PHLDB1: variants seen among roughly 807,000 people sequenced by gnomAD.
The protein encoded by PHLDB1 is pleckstrin homology like domain family B member 1, also known as pleckstrin homology-like domain family B member 1.
Under a neutral mutation model 139.3 loss-of-function variants are expected in PHLDB1, and 65 were observed. The ratio of observed to expected loss-of-function variants is 0.47; its 90% CI spans 0.38 to 0.57. The LOEUF (loss-of-function observed/expected upper bound fraction) is 0.57. Among genes scored for constraint, PHLDB1 ranks in the 20% least tolerant of loss-of-function variants. The pLI is 0.00. For synonymous variants in PHLDB1, 679 were observed against 734.5 expected (o/e 0.92, Z 1.22); for missense variants, 1,624 against 1,839.7 (o/e 0.88, Z 2.14).
rs533107188 is a variant in PHLDB1, at chr11:118,643,884, T to G, written c.2962T>G (p.Ser988Ala). ...SGPLPSSSGSSSSSSQLSVAT... is the reference protein window; with the variant it reads ...SGPLPSSSGSASSSSQLSVAT... Reference sequence around the variant, plus strand: ...CCCCCTCCCCTCCTCCTCTGGCTCTTCCTCCTCCTCCTCCCAGCTCAGCGT... The same window carrying G: ...CCCCCTCCCCTCCTCCTCTGGCTCTGCCTCCTCCTCCTCCCAGCTCAGCGT... The change falls in exon 14 of 23, where the codon TCC becomes GCC. Residue 988 changes from serine (S) to alanine (A), a missense_variant. Physicochemically the swap from Ser to Ala is moderately conservative, Grantham distance 99 (BLOSUM62 1). Transcript: ENST00000600882. The G allele has an allele frequency of 5.0e-6, 8 of 1,591,948 alleles. No homozygotes were observed. The highest frequency in any genetic ancestry group is 1.7e-5 in the Admixed American group (1 of 59,022).
At chr11:118,644,195 C>G (rs1315811901) in intron 15 of PHLDB1, 21 bp downstream of exon 15, 1 of 1,549,280 alleles carries the variant, frequency 6.5e-7, no homozygotes, top group Non-Finnish European at 8.9e-7. Context: ...GCCCCGCCAG[C>G]CCACCTGCTC....
rs782256423 is a variant in PHLDB1, at chr11:118,628,187, G to A, written c.1364G>A (p.Arg455Gln). The A allele has an allele frequency of 4.3e-6, 7 of 1,613,942 alleles. No homozygotes were observed. Among genetic ancestry groups the A allele is most frequent in the Admixed American group, 1.7e-5 (1 of 60,010 alleles). The part of the protein sequence containing the change: ...RLGRRGLDSM[R>Q]ELPPLSPSLS... ...GGCCGGCGGGGCCTGGACAGTATGCGAGAACTACCCCCCTTAAGTCCATCT... is the reference window on the plus strand; with the variant it reads ...GGCCGGCGGGGCCTGGACAGTATGCAAGAACTACCCCCCTTAAGTCCATCT... The change falls in exon 6 of 23, where the codon CGA becomes CAA. Residue 455 changes from arginine to glutamine, a missense_variant. Transcript: ENST00000600882.
intron 1 of PHLDB1, chr11:118,613,205 G>C (rs1444972439): frequency 1.3e-6 from 1 of 799,034 alleles, no homozygotes; most frequent in Non-Finnish European, 1.5e-6. Context: ...GTTGGGTTGA[G>C]GTTGCTTTCT....
At position 118,631,776 on chromosome 11, in the gene PHLDB1, G is replaced by C. The variant is rs566090337; in HGVS notation, c.2101-137G>C. 32 of 990,158 alleles carry C rather than the reference G, an allele frequency of 3.2e-5. No individual in the cohort carries two copies. The African/African-American group carries it at 3.5e-4, about 11-fold the overall frequency. 61.3% of individuals were successfully genotyped at this position (990,158 alleles called of 1,614,324 possible). A position where few individuals can be genotyped will look rare whatever the true frequency, so the allele number is the denominator to read the frequency against. Reference sequence around the variant, plus strand: ...TGCTCCCCTCAAAGGTGGGGGTTGCGGGGGGGCAGGGAATTAGCCTCCTGT... The same window carrying C: ...TGCTCCCCTCAAAGGTGGGGGTTGCCGGGGGGCAGGGAATTAGCCTCCTGT... On this transcript the variant is annotated intron_variant, in intron 7 of 22. Coordinates refer to ENST00000600882, the MANE Select transcript of PHLDB1 (RefSeq NM_001144758.3).
intron 4 of PHLDB1, among the ~76,000 whole-genome samples, chr11:118,618,103 G>A (rs1555091277): frequency 6.6e-6 from 1 of 152,126 alleles, no homozygotes; most frequent in African/African-American, 2.4e-5. Flanking sequence ...AGCATTTCCT[G>A]TGGCCCCAGT....
At chr11:118,656,304 A>C (rs782218039) in intron 22 of PHLDB1, among the ~76,000 whole-genome samples, 2 of 152,072 alleles carry the variant, frequency 1.3e-5, no homozygotes, top group Non-Finnish European at 2.9e-5. Context: ...AGGGCCTGGC[A>C]TCCTACTTGT....
In PHLDB1 at chr11:118,647,973, G is replaced by C; in HGVS notation, c.3551G>C (p.Arg1184Pro). Residue 1184 changes from arginine (R) to proline (P), a missense_variant, in exon 18 of 23, where the codon CGG (arginine) becomes CCG (proline). By Grantham distance (103) the Arg-to-Pro change is moderately radical. Coordinates refer to ENST00000600882, the MANE Select transcript of PHLDB1 (RefSeq NM_001144758.3). ...ELRRQALEEE[R>P]RRREQVERRL... ...CGGCGGCAGGCCCTGGAGGAGGAGC[G>C]GCGGAGGCGTGAGCAGGTAGAACGG... The C allele has an allele frequency of 6.3e-7, 1 of 1,592,988 alleles. No homozygotes were observed. The highest frequency in any genetic ancestry group is 8.5e-7 in the Non-Finnish European group (1 of 1,169,978).
Position 118,631,402 on chromosome 11 carries a change from C to A in PHLDB1, c.2023C>A (p.Leu675Ile). 1 of 1,496,198 alleles carries A rather than the reference C, an allele frequency of 6.7e-7. No individual in the cohort carries two copies. 92.7% of individuals were successfully genotyped at this position (1,496,198 alleles called of 1,614,324 possible). The stretch of plus-strand genomic sequence containing the variant: ...GGAGCCTGGCGTTGCCACCCAACGC[C>A]TATGGGAGAGTATGGAGCGCTCAGA... ...SEEPGVATQRLWESMERSDEE... is the reference protein window; with the variant it reads ...SEEPGVATQRIWESMERSDEE... Residue 675 changes from leucine to isoleucine, a missense_variant, in exon 7 of 23, where the codon CTA becomes ATA. Coordinates refer to ENST00000600882, the MANE Select transcript of PHLDB1 (RefSeq NM_001144758.3).
In PHLDB1 at chr11:118,627,806, G is replaced by A. The variant is rs142810257; in HGVS notation, c.983G>A (p.Arg328Gln). ...GHERPPSPGL[R>Q]GLLTDSPAAT... ...GAGAGGCCTCCCAGCCCTGGCCTCC[G>A]GGGTCTGCTGACAGACAGCCCTGCA... Residue 328 changes from arginine (R) to glutamine (Q), a missense_variant, in exon 6 of 23, where the codon CGG becomes CAG. Coordinates refer to ENST00000600882, the MANE Select transcript of PHLDB1 (RefSeq NM_001144758.3). 155 of 1,604,258 alleles carry A rather than the reference G, an allele frequency of 9.7e-5. No individual in the cohort carries two copies. The highest frequency in any genetic ancestry group is 3.8e-4 in the East Asian group (17 of 44,886).
Position 118,635,437 on chromosome 11 carries a change from G to A in PHLDB1, c.2424G>A (p.Leu808=), listed in dbSNP as rs34921074. The stretch of plus-strand genomic sequence containing the variant: ...CTGAGACAAAGCTCTTTGAGGACTT[G>A]GAGTTCCAGCAGTTGGAGCGGGAGA... ...LETETKLFED[L]EFQQLERESR... The change falls in exon 10 of 23, where the codon TTG becomes TTA. Residue 808 remains leucine, a synonymous_variant. Coordinates refer to ENST00000600882, the MANE Select transcript of PHLDB1 (RefSeq NM_001144758.3). 6.5e-4 allele frequency: 1,047 copies of A among 1,611,446 alleles called. 5 individuals carry two copies. In the African/African-American group the frequency reaches 8.4e-3, roughly 13 times the overall value.
chr11:118,629,954 A>G, intron 6 of PHLDB1: 1 of 1,252,188 alleles, frequency 8.0e-7, no homozygotes. Context: ...CACCTCAACC[A>G]GGCTGCTTAT....
intron 4 of PHLDB1, 90 bp downstream of exon 4, chr11:118,616,301 T>G: frequency 8.3e-7 from 1 of 1,199,580 alleles, no homozygotes. Context: ...GTGGTTGCCA[T>G]GGTAACTGCC....
At chr11:118,639,446 C>G in intron 12 of PHLDB1, 195 bp downstream of exon 12, 1 of 604,336 alleles carries the variant, frequency 1.7e-6, no homozygotes, top group Non-Finnish European at 3.0e-6. Flanking sequence ...GTTTAGTTGC[C>G]TCTGGGGTTC....
At position 118,645,329 on chromosome 11, in the gene PHLDB1, T is replaced by C. The variant is rs113660010; in HGVS notation, c.3122-27T>C. ...CTCCTTAGCTGCGTGGGGAGCCCAC[T>C]GTGACTCCCATCTGTCTCTCCTTCA... On this transcript the variant is annotated intron_variant, in intron 15 of 22. Transcript: ENST00000600882. This position sits in a 1 kb window ranked among gnomAD's most constrained non-coding sequence, Gnocchi z 5.1. 5.1e-3 allele frequency: 7,688 copies of C among 1,498,614 alleles called. 284 individuals carry two copies. The African/African-American group carries it at 0.09, about 18-fold the overall frequency. 92.8% of individuals were successfully genotyped at this position (1,498,614 alleles called of 1,614,324 possible). A position where few individuals can be genotyped will look rare whatever the true frequency, so the allele number is the denominator to read the frequency against.
upstream of PHLDB1, among the ~76,000 whole-genome samples, chr11:118,607,387 ATGG>A (rs1383281733): frequency 3.4e-5 from 3 of 86,972 alleles, no homozygotes; most frequent in African/African-American, 4.0e-5. Context: ...GGTGGTGGTG[ATGG>A]TGGAGAGCCC....
At position 118,650,239 on chromosome 11, in the gene PHLDB1, C is replaced by T. The variant is rs781978135; in HGVS notation, c.3771+46C>T. The T allele has an allele frequency of 6.9e-7, 1 of 1,441,810 alleles. No homozygotes were observed. The highest frequency in any genetic ancestry group is 9.8e-7 in the Non-Finnish European group (1 of 1,023,182). The allele number at this position is 1,441,810 out of a possible 1,614,324, so 89.3% of individuals were successfully genotyped here. Reference sequence around the variant, plus strand: ...TGGGGTGCTGGGGAGAGGGAGAATCCCGTGGTGAGAGGCACCTCCTGGGTC... The same window carrying T: ...TGGGGTGCTGGGGAGAGGGAGAATCTCGTGGTGAGAGGCACCTCCTGGGTC... On this transcript the variant is annotated intron_variant, in intron 19 of 22. Transcript: ENST00000600882. The surrounding 1 kb of genome is among the most constrained non-coding windows in gnomAD (Gnocchi z 4.7).
chr11:118,654,407 G>A (rs1219177323), intron 20 of PHLDB1: 2 of 151,916 alleles, frequency 1.3e-5, no homozygotes, highest in Non-Finnish European at 2.9e-5. Context: ...TAAAAAATAG[G>A]TAAAAGTATT....
intron 4 of PHLDB1, among the ~76,000 whole-genome samples, chr11:118,617,030 G>GCAAGA: frequency 6.6e-6 from 1 of 152,262 alleles, no homozygotes; most frequent in Middle Eastern, 3.4e-3. Context: ...GGGCAACAGA[G>GCAAGA]CAAGACTCCG....
Position 118,650,610 on chromosome 11 carries a change from G to A in PHLDB1, c.3874+63G>A, listed in dbSNP as rs1240600209. The A allele has an allele frequency of 1.2e-5, 14 of 1,178,350 alleles. No homozygotes were observed. The African/African-American group carries it at 1.5e-4, about 13-fold the overall frequency. 73.0% of individuals were successfully genotyped at this position (1,178,350 alleles called of 1,614,324 possible). A position where few individuals can be genotyped will look rare whatever the true frequency, so the allele number is the denominator to read the frequency against. On this transcript the variant is annotated intron_variant, in intron 20 of 22. Coordinates refer to ENST00000600882, the MANE Select transcript of PHLDB1 (RefSeq NM_001144758.3). The surrounding 1 kb of genome is among the most constrained non-coding windows in gnomAD (Gnocchi z 4.7). Reference sequence around the variant, plus strand: ...ATCCCTGGGCTCTGTTACCCAGGACGGCTGGTCTTCTAGAAGGAGGCCAAG... The same window carrying A: ...ATCCCTGGGCTCTGTTACCCAGGACAGCTGGTCTTCTAGAAGGAGGCCAAG...
Sources: gnomAD v4.1 joint callset for allele counts (sites outside exome capture counted in the v4.1 genomes callset) on GRCh38, gnomAD v4.1.1 for gene constraint, Gnocchi (gnomAD v3.1) non-coding constraint, MANE v1.5 for transcripts, NCBI Gene and HGNC (gene_info 2026-07-23, HGNC 2026-07-21) for gene names.